Variants in ZNF536 observed in about 807,000 individuals in gnomAD.
ZNF536 encodes zinc finger protein 536.
In ZNF536, 13 loss-of-function variants were observed where a neutral mutation model predicts 84.5. The ratio of observed to expected loss-of-function variants is 0.15; its 90% CI spans 0.10 to 0.24. The LOEUF (loss-of-function observed/expected upper bound fraction) is 0.24. Among genes scored for constraint, ZNF536 ranks in the 10% least tolerant of loss-of-function variants. The probability of loss-of-function intolerance (pLI) is 1.00; values close to 1 mark genes in which losing one functional copy is unlikely to be tolerated. For synonymous variants in ZNF536, 811 were observed against 742.5 expected (o/e 1.09, Z -1.50); for missense variants, 1,536 against 1,747.5 (o/e 0.88, Z 2.16).
chr19:30,365,297 T>A (rs1447663694), intron 3 of ZNF536, among the ~76,000 whole-genome samples: 1 of 152,190 alleles, frequency 6.6e-6, no homozygotes, highest in Non-Finnish European at 1.5e-5. Flanking sequence ...TTTCCTCCTG[T>A]CCCTGTTCCT....
At chr19:30,618,764 G>T (rs1470549863) in intron 1 of ZNF536, among the ~76,000 whole-genome samples, 3 of 151,514 alleles carry the variant, frequency 2.0e-5, no homozygotes, top group Non-Finnish European at 4.4e-5. Context: ...TATTTTATTT[G>T]TTCCTTGTTT....
intron 1 of ZNF536, among the ~76,000 whole-genome samples, chr19:30,608,960 G>A (rs996780167): frequency 3.9e-5 from 6 of 152,150 alleles, no homozygotes; most frequent in South Asian, 4.2e-4. Context: ...AGTCAGCCAC[G>A]GAAGTGGAGA....
chr19:30,393,129 A>C (rs1488057871), intron 1 of ZNF536, among the ~76,000 whole-genome samples: 1 of 152,146 alleles, frequency 6.6e-6, no homozygotes, highest in Admixed American at 6.5e-5. Context: ...CCCCTGTATC[A>C]TTTATTCGTC....
rs2148192123 is a variant in ZNF536, at chr19:30,444,647, G to A, written c.1085G>A (p.Gly362Asp). Residue 362 changes from glycine to aspartate, a missense_variant, in exon 2 of 5, where the codon GGT (glycine) becomes GAT (aspartate). This residue lies in a region of ZNF536 where 25 missense variants were observed against 78.9 expected (regional missense o/e 0.32). Coordinates refer to ENST00000355537, the MANE Select transcript of ZNF536 (RefSeq NM_014717.3). ...QVFSQAWFLK[G>D]HMRKHKDSFE... is the part of the protein sequence containing the mutation. ...TTCAGCCAGGCGTGGTTCCTCAAGGGTCACATGCGCAAGCACAAAGACTCC... is the reference window on the plus strand; with the variant it reads ...TTCAGCCAGGCGTGGTTCCTCAAGGATCACATGCGCAAGCACAAAGACTCC... The A allele has an allele frequency of 6.2e-7, 1 of 1,613,938 alleles. No individual in the cohort carries two copies. The highest frequency in any genetic ancestry group is 8.5e-7 in the Non-Finnish European group (1 of 1,180,044).
chr19:30,239,466 G>A (rs1321482226), intron 1 of ZNF536, among the ~76,000 whole-genome samples: 1 of 152,162 alleles, frequency 6.6e-6, no homozygotes, highest in African/African-American at 2.4e-5. Flanking sequence ...TTGGCACGTG[G>A]CCTGGACCTT....
chr19:30,674,788 C>A (rs1043511132), intron 1 of ZNF536, among the ~76,000 whole-genome samples: 1 of 152,114 alleles, frequency 6.6e-6, no homozygotes, highest in Non-Finnish European at 1.5e-5. Flanking sequence ...GGTTGGTATT[C>A]GAGGTAGGCA....
intron 1 of ZNF536, among the ~76,000 whole-genome samples, chr19:30,386,676 C>A (rs1366697167): frequency 6.6e-6 from 1 of 152,258 alleles, no homozygotes; most frequent in East Asian, 1.9e-4. Context: ...TGATGCCTGG[C>A]CTCTTGTCTC....
chr19:30,632,376 C>T (rs543515743), intron 1 of ZNF536, among the ~76,000 whole-genome samples: 65 of 152,210 alleles, frequency 4.3e-4, no homozygotes, highest in African/African-American at 1.4e-3. Flanking sequence ...GAGGCCAAGG[C>T]GGGAGGATCA....
intron 1 of ZNF536, among the ~76,000 whole-genome samples, chr19:30,394,094 G>A (rs1045095022): frequency 6.6e-6 from 1 of 152,156 alleles, no homozygotes; most frequent in Non-Finnish European, 1.5e-5. Context: ...CTCTCTATCA[G>A]ATCAGTGAGC....
At chr19:30,323,600 A>C (rs991397796) in intron 2 of ZNF536, among the ~76,000 whole-genome samples, 3 of 152,210 alleles carry the variant, frequency 2.0e-5, no homozygotes, top group Admixed American at 6.5e-5. Flanking sequence ...GGGTTGCTTC[A>C]TGATGAATCA....
intron 2 of ZNF536, among the ~76,000 whole-genome samples, chr19:30,514,727 T>A (rs1354525534): frequency 6.6e-6 from 1 of 151,968 alleles, no homozygotes; most frequent in Non-Finnish European, 1.5e-5. Context: ...AAAGCACCTG[T>A]CTTGGCCTCC....
At chr19:30,430,099 T>G (rs568563649) in intron 1 of ZNF536, among the ~76,000 whole-genome samples, 2 of 152,168 alleles carry the variant, frequency 1.3e-5, no homozygotes, top group South Asian at 4.2e-4. Flanking sequence ...TTCTAAGTTT[T>G]CTGGGGTGAC....
chr19:30,348,720 G>C (rs1197764010), intron 2 of ZNF536, among the ~76,000 whole-genome samples: 3 of 152,180 alleles, frequency 2.0e-5, no homozygotes, highest in African/African-American at 7.2e-5. Context: ...GGAGGGCATG[G>C]AGGCAATACA....
intron 1 of ZNF536, among the ~76,000 whole-genome samples, chr19:30,701,546 A>AAC (rs1398441283): frequency 1.3e-5 from 2 of 148,978 alleles, no homozygotes; most frequent in Non-Finnish European, 3.0e-5. Context: ...CAGACACACA[A>AAC]ACACACACAC....
intron 1 of ZNF536, among the ~76,000 whole-genome samples, chr19:30,276,591 C>A (rs919889863): frequency 1.3e-5 from 2 of 152,142 alleles, no homozygotes; most frequent in Non-Finnish European, 2.9e-5. Context: ...TGTAAACCAT[C>A]GCCATAATAG....
chr19:30,518,484 C>A (rs1207635900), intron 2 of ZNF536, among the ~76,000 whole-genome samples: 1 of 152,128 alleles, frequency 6.6e-6, no homozygotes, highest in Non-Finnish European at 1.5e-5. Flanking sequence ...GTGCAATTTT[C>A]CCCGAAGGAG....
chr19:30,501,362 C>T (rs2054943112), intron 2 of ZNF536, among the ~76,000 whole-genome samples: 1 of 152,204 alleles, frequency 6.6e-6, no homozygotes, highest in Non-Finnish European at 1.5e-5. Context: ...CTGGATTCAA[C>T]CCAGCATTGT....
At chr19:30,648,259 C>T (rs1175370326) in intron 1 of ZNF536, among the ~76,000 whole-genome samples, 3 of 152,220 alleles carry the variant, frequency 2.0e-5, no homozygotes, top group Non-Finnish European at 2.9e-5. Flanking sequence ...CCCCAACCTG[C>T]GGCCGCGTGG....
chr19:30,551,625 G>C (rs532762645), intron 4 of ZNF536, among the ~76,000 whole-genome samples: 8 of 152,194 alleles, frequency 5.3e-5, no homozygotes, highest in Non-Finnish European at 8.8e-5. Flanking sequence ...AAGCTTGAAG[G>C]CTTCCTGGTT....
Sources: allele counts gnomAD v4.1 joint callset (sites outside exome capture counted in the v4.1 genomes callset), GRCh38; gene constraint gnomAD v4.1.1; regional missense constraint gnomAD v4.1.1; transcripts MANE v1.5; gene names NCBI Gene and HGNC (gene_info 2026-07-23, HGNC 2026-07-21).